ASXL2: variants seen among roughly 807,000 people sequenced by gnomAD.
ASXL2 encodes the protein ASXL transcriptional regulator 2.
In ASXL2, 23 loss-of-function variants were observed where a neutral mutation model predicts 122.0. The ratio of observed to expected loss-of-function variants is 0.19; its 90% confidence interval spans 0.14 to 0.27. ASXL2 has a LOEUF of 0.27. ASXL2 is among the 10% of genes least tolerant of loss of function. The pLI is 1.00. For missense variants in ASXL2, 1,518 were observed against 1,713.8 expected (o/e 0.89, Z 2.02); for synonymous variants, 650 against 637.0 (o/e 1.02, Z -0.31).
intron 5 of ASXL2, among the ~76,000 whole-genome samples, chr2:25,782,447 GAGGCAGGA>G: frequency 6.6e-6 from 1 of 152,132 alleles, no homozygotes; most frequent in Non-Finnish European, 1.5e-5. Context: ...TCAGGAAGCT[GAGGCAGGA>G]GAATTGCTTG....
At chr2:25,784,053 C>CTAAATAAATAAATAAATAAA (rs59180424) in intron 5 of ASXL2, among the ~76,000 whole-genome samples, 22 of 138,470 alleles carry the variant, frequency 1.6e-4, no homozygotes, top group African/African-American at 5.2e-4. Flanking sequence ...AACTCCATCT[C>CTAAATAAATAAATAAATAAA]TAAATAAATA....
At chr2:25,877,840 T>A (rs552412711) in intron 1 of ASXL2, among the ~76,000 whole-genome samples, 13 of 152,244 alleles carry the variant, frequency 8.5e-5, no homozygotes, top group African/African-American at 3.1e-4. Flanking sequence ...CCGGTTACCG[T>A]GCAAGCACCA....
At position 25,878,459 on chromosome 2, in the gene ASXL2, T is replaced by C. The variant is rs1047224203; in HGVS notation, c.-237A>G. The C allele has an allele frequency of 7.0e-6, 4 of 570,400 alleles. No individual in the cohort carries two copies. The African/African-American group carries it at 7.6e-5, about 11-fold the overall frequency. The allele number at this position is 570,400 out of a possible 1,614,324, so 35.3% of individuals were successfully genotyped here. A position where few individuals can be genotyped will look rare whatever the true frequency, so the allele number is the denominator to read the frequency against. ...TACCGCCGCTGCCATATTGGGTTCT[T>C]ACTGTACAGGCTGCCGCTACGGTCA... On this transcript the variant is annotated 5_prime_UTR_variant, in exon 1 of 13. Coordinates refer to ENST00000435504, the MANE Select transcript of ASXL2 (RefSeq NM_018263.6).
At chr2:25,874,455 T>C (rs758644392) in intron 1 of ASXL2, among the ~76,000 whole-genome samples, 10 of 150,832 alleles carry the variant, frequency 6.6e-5, no homozygotes, top group Non-Finnish European at 1.2e-4. Flanking sequence ...CGCCACTGCA[T>C]TCCAGCCTGG....
chr2:25,763,514 A>G (rs927077711), intron 8 of ASXL2, among the ~76,000 whole-genome samples: 4 of 152,100 alleles, frequency 2.6e-5, no homozygotes, highest in African/African-American at 9.7e-5. Flanking sequence ...CTGATTTCAG[A>G]TTAACAAGCT....
At chr2:25,765,179 C>T (rs544974251) in intron 8 of ASXL2, among the ~76,000 whole-genome samples, 1 of 152,148 alleles carries the variant, frequency 6.6e-6, no homozygotes, top group Admixed American at 6.6e-5. Flanking sequence ...ACTTCTTCCA[C>T]GTGTTTTGAA....
chr2:25,790,795 T>G (rs1407736874), intron 5 of ASXL2, among the ~76,000 whole-genome samples: 1 of 143,422 alleles, frequency 7.0e-6, no homozygotes, highest in East Asian at 1.9e-4. Flanking sequence ...TAAACAGTTT[T>G]TTGTCTTTTT....
chr2:25,855,827 C>T (rs2089769882), intron 1 of ASXL2, among the ~76,000 whole-genome samples: 1 of 132,184 alleles, frequency 7.6e-6, no homozygotes, highest in Non-Finnish European at 1.6e-5. Flanking sequence ...CAGAGCGAGA[C>T]TCCGTCTCAA....
chr2:25,830,819 A>T (rs1166239209), intron 3 of ASXL2: 1 of 152,150 alleles, frequency 6.6e-6, no homozygotes, highest in Non-Finnish European at 1.5e-5. Flanking sequence ...ACCAGATGAA[A>T]TCAGTAAGAG....
At chr2:25,848,484 G>T (rs564558143) in intron 1 of ASXL2, among the ~76,000 whole-genome samples, 3 of 152,190 alleles carry the variant, frequency 2.0e-5, no homozygotes, top group South Asian at 4.1e-4. Context: ...GTAGCTGGGC[G>T]TGGTGGCGGA....
intron 5 of ASXL2, among the ~76,000 whole-genome samples, chr2:25,790,971 T>C (rs2088824307): frequency 6.6e-6 from 1 of 151,772 alleles, no homozygotes; most frequent in South Asian, 2.1e-4. Context: ...AACCAGCTGT[T>C]TTTTATTTAG....
chr2:25,773,385 G>A (rs999550445), intron 5 of ASXL2, among the ~76,000 whole-genome samples: 1 of 152,078 alleles, frequency 6.6e-6, no homozygotes, highest in African/African-American at 2.4e-5. Flanking sequence ...CATAGCCTTG[G>A]CCAGGCGCGG....
Position 25,749,733 on chromosome 2 carries a change from C to T in ASXL2, c.1823G>A (p.Gly608Glu), listed in dbSNP as rs200842793. ...TACTTTTCGCACCTGGATTCTGTCCCCTCTATTGAGAAAGGGCTGTGGTGA... is the reference window on the plus strand; with the variant it reads ...TACTTTTCGCACCTGGATTCTGTCCTCTCTATTGAGAAAGGGCTGTGGTGA... ...QVSPQPFLNR[G>E]DRIQVRKVPP... Residue 608 changes from glycine to glutamate, a missense_variant, in exon 12 of 13, where the codon GGG (glycine) becomes GAG (glutamate). Physicochemically the swap from Gly to Glu is moderately conservative, Grantham distance 98. Coordinates refer to ENST00000435504, the MANE Select transcript of ASXL2 (RefSeq NM_018263.6). 1.9e-4 allele frequency: 302 copies of T among 1,549,452 alleles called. No individual in the cohort carries two copies. Among genetic ancestry groups the T allele is most frequent in the Middle Eastern group, 1.6e-3 (9 of 5,740 alleles).
At chr2:25,833,377 C>T (rs559530046) in intron 3 of ASXL2, among the ~76,000 whole-genome samples, 1 of 152,242 alleles carries the variant, frequency 6.6e-6, no homozygotes, top group African/African-American at 2.4e-5. Context: ...TGGCCAATAT[C>T]CATTCCCTCT....
chr2:25,826,278 T>C (rs936569319), intron 3 of ASXL2, among the ~76,000 whole-genome samples: 5 of 152,216 alleles, frequency 3.3e-5, no homozygotes, highest in African/African-American at 9.7e-5. Context: ...CATTATTTCT[T>C]TATCATTCCA....
intron 5 of ASXL2, among the ~76,000 whole-genome samples, chr2:25,790,722 C>G (rs180860246): frequency 6.6e-6 from 1 of 150,978 alleles, no homozygotes; most frequent in Non-Finnish European, 1.5e-5. Context: ...AAACAAAAGA[C>G]GCTAGTTTAT....
intron 5 of ASXL2, among the ~76,000 whole-genome samples, chr2:25,782,447 G>A (rs1301974328): frequency 1.3e-5 from 2 of 152,132 alleles, no homozygotes. Context: ...TCAGGAAGCT[G>A]AGGCAGGAGA....
At chr2:25,869,922 AAAAG>A (rs1424373538) in intron 1 of ASXL2, among the ~76,000 whole-genome samples, 3 of 151,862 alleles carry the variant, frequency 2.0e-5, no homozygotes, top group African/African-American at 7.3e-5. Context: ...TAAAAAAAAA[AAAAG>A]AAAGAAACAT....
At chr2:25,835,491 C>A in intron 3 of ASXL2, 47 bp downstream of exon 3, 1 of 241,280 alleles carries the variant, frequency 4.1e-6, no homozygotes, top group South Asian at 4.0e-5. Flanking sequence ...TAAAAGTGTG[C>A]TTTATAATTG....
Sources: gnomAD v4.1 joint callset for allele counts (sites outside exome capture counted in the v4.1 genomes callset) on GRCh38, gnomAD v4.1.1 for gene constraint, MANE v1.5 for transcripts, NCBI Gene and HGNC (gene_info 2026-07-23, HGNC 2026-07-21) for gene names.